The following ZNF277 variants were observed in gnomAD, a reference collection of about 807,000 sequenced individuals.
ZNF277 encodes nuclear receptor-interacting factor 4.
A neutral mutation model predicts 60.7 loss-of-function variants in ZNF277; 55 were observed. The ratio of observed to expected loss-of-function variants is 0.91; its 90% CI spans 0.73 to 1.13. The LOEUF is 1.13. Among genes scored for constraint, ZNF277 ranks in the 50% most tolerant of loss-of-function variants. The pLI is 0.00. For missense variants in ZNF277, 510 were observed against 523.0 expected, an observed-to-expected ratio of 0.98 and a Z score of 0.24; for synonymous variants, 178 against 179.3, an observed-to-expected ratio of 0.99 and a Z score of 0.06.
At chr7:112,289,263 T>G (rs544337320) in intron 2 of ZNF277, among the ~76,000 whole-genome samples, 1 of 152,328 alleles carries the variant, frequency 6.6e-6, no homozygotes, top group Admixed American at 6.5e-5. Flanking sequence ...ACAGGGGTAA[T>G]GATAACTATT....
intron 1 of ZNF277, among the ~76,000 whole-genome samples, chr7:112,275,703 C>A (rs1403999050): frequency 6.6e-6 from 1 of 152,148 alleles, no homozygotes; most frequent in East Asian, 1.9e-4. Context: ...CAAAAAGCTG[C>A]TTCCACATCG....
intron 1 of ZNF277, among the ~76,000 whole-genome samples, chr7:112,273,298 G>A (rs1449061289): frequency 1.3e-5 from 2 of 152,164 alleles, no homozygotes; most frequent in Admixed American, 1.3e-4. Flanking sequence ...CACCTGCCGA[G>A]TTCTGCCTGG....
At chr7:112,318,036 A>G in intron 4 of ZNF277, 146 bp from the exon 5 acceptor site, 1 of 624,148 alleles carries the variant, frequency 1.6e-6, no homozygotes, top group Non-Finnish European at 2.8e-6. Context: ...TAATGCAAAA[A>G]CAGGAATGGA....
chr7:112,265,859 T>G (rs1472946192), intron 1 of ZNF277, among the ~76,000 whole-genome samples: 1 of 152,150 alleles, frequency 6.6e-6, no homozygotes, highest in Non-Finnish European at 1.5e-5. Context: ...AATCAAAGTA[T>G]TACATTGGTC....
intron 2 of ZNF277, 122 bp downstream of exon 2, chr7:112,287,196 G>T: frequency 1.0e-6 from 1 of 952,788 alleles, no homozygotes; most frequent in Non-Finnish European, 1.6e-6. Context: ...AGTAGTTCAA[G>T]ATGCCAGCTC....
chr7:112,297,222 C>T (rs962227089), intron 4 of ZNF277, among the ~76,000 whole-genome samples: 18 of 151,516 alleles, frequency 1.2e-4, no homozygotes, highest in Admixed American at 9.2e-4. Flanking sequence ...CCACTGCACC[C>T]GGCTGAAAAT....
intron 1 of ZNF277, among the ~76,000 whole-genome samples, chr7:112,249,428 G>A (rs1019779651): frequency 2.0e-4 from 30 of 152,192 alleles, no homozygotes; most frequent in African/African-American, 6.3e-4. Flanking sequence ...TTCATGCCTC[G>A]GGGATTGGAA....
At chr7:112,242,569 A>AAAAC (rs927916148) in intron 1 of ZNF277, among the ~76,000 whole-genome samples, 2 of 137,768 alleles carry the variant, frequency 1.5e-5, no homozygotes, top group Admixed American at 7.3e-5. Context: ...AAAAAAAAAA[A>AAAAC]AAAACAAAAT....
chr7:112,275,725 G>C (rs1791776629), intron 1 of ZNF277, among the ~76,000 whole-genome samples: 1 of 151,784 alleles, frequency 6.6e-6, no homozygotes, highest in Non-Finnish European at 1.5e-5. Flanking sequence ...TGTTACTGTT[G>C]CATTATTAAC....
In ZNF277 at chr7:112,219,705, G is replaced by A. The variant is rs183282556; in HGVS notation, c.91+12898G>A. ...CGCTAAAGTGCAGTGGCACAATCACGGCTCACTGCAGCCTTGATCTATTGG... is the reference window on the plus strand; with the variant it reads ...CGCTAAAGTGCAGTGGCACAATCACAGCTCACTGCAGCCTTGATCTATTGG... On this transcript the variant is annotated intron_variant, in intron 1 of 11. Transcript: ENST00000361822. Among the ~76,000 whole-genome samples the A allele has an allele frequency of 4.8e-3, 734 of 152,288 alleles. 8 individuals carry two copies. Among genetic ancestry groups the A allele is most frequent in the Middle Eastern group, 0.014 (4 of 294 alleles).
In ZNF277 at chr7:112,286,841, C is replaced by CTTTCTTTT. The variant is rs1792074259; in HGVS notation, c.92-29_92-28insCTTTTTTT. The CTTTCTTTT allele has an allele frequency of 5.2e-6, 5 of 952,478 alleles. No homozygotes were observed. In the East Asian group the frequency reaches 9.0e-5, roughly 17 times the overall value. The allele number at this position is 952,478 out of a possible 1,614,324, so 59.0% of individuals were successfully genotyped here. A position where few individuals can be genotyped will look rare whatever the true frequency, so the allele number is the denominator to read the frequency against. On this transcript the variant is annotated intron_variant, in intron 1 of 11. Coordinates refer to ENST00000361822, the MANE Select transcript of ZNF277 (RefSeq NM_021994.3). The stretch of plus-strand genomic sequence containing the variant: ...AGTTGGTTTCAGCTTTTCTTTCTTT[C>CTTTCTTTT]TTTTTTTTTTTTTTTTTTTGGTCTA...
At chr7:112,288,926 G>A (rs182946169) in intron 2 of ZNF277, 1 of 130,806 alleles carries the variant, frequency 7.6e-6, no homozygotes, top group East Asian at 2.2e-4. Flanking sequence ...CAAATGAAGT[G>A]CTGCATGTGG....
intron 4 of ZNF277, among the ~76,000 whole-genome samples, chr7:112,298,901 G>A (rs946855721): frequency 1.3e-5 from 2 of 152,116 alleles, no homozygotes; most frequent in African/African-American, 2.4e-5. Context: ...CCATGCCAGC[G>A]TAGTCATTAT....
intron 1 of ZNF277, among the ~76,000 whole-genome samples, chr7:112,227,260 G>A (rs1377986873): frequency 1.3e-5 from 2 of 152,074 alleles, no homozygotes; most frequent in African/African-American, 4.8e-5. Flanking sequence ...TCATATGCTT[G>A]CAGGCTGCGT....
intron 1 of ZNF277, among the ~76,000 whole-genome samples, chr7:112,246,678 G>A (rs1406613947): frequency 1.3e-5 from 2 of 152,284 alleles, no homozygotes; most frequent in East Asian, 3.9e-4. Context: ...CAGTTTGTAT[G>A]GAAGACATAG....
At chr7:112,260,431 T>C (rs1274420517) in intron 1 of ZNF277, among the ~76,000 whole-genome samples, 1 of 152,232 alleles carries the variant, frequency 6.6e-6, no homozygotes, top group Non-Finnish European at 1.5e-5. Context: ...AAATATGGTT[T>C]TCTATATTTT....
intron 7 of ZNF277, 32 bp from the exon 8 acceptor site, chr7:112,336,072 A>T: frequency 2.0e-5 from 32 of 1,580,920 alleles, no homozygotes; most frequent in Non-Finnish European, 2.8e-5. Flanking sequence ...CTTTCCCCCA[A>T]TGTCTCTCAT....
At chr7:112,314,280 T>C (rs1378260048) in intron 4 of ZNF277, among the ~76,000 whole-genome samples, 3 of 152,138 alleles carry the variant, frequency 2.0e-5, no homozygotes, top group East Asian at 3.9e-4. Context: ...TTCTTTCCAC[T>C]CACCACAAAG....
intron 5 of ZNF277, among the ~76,000 whole-genome samples, chr7:112,320,605 A>G (rs988510740): frequency 6.6e-6 from 1 of 152,096 alleles, no homozygotes; most frequent in Non-Finnish European, 1.5e-5. Flanking sequence ...GTTACCATAC[A>G]TCTACTTTTT....
Sources: gnomAD v4.1 joint callset for allele counts (sites outside exome capture counted in the v4.1 genomes callset) on GRCh38, gnomAD v4.1.1 for gene constraint, MANE v1.5 for transcripts, NCBI Gene and HGNC (gene_info 2026-07-23, HGNC 2026-07-21) for gene names.